IL1RAPL1: variants seen among roughly 807,000 people sequenced by gnomAD.
The protein encoded by IL1RAPL1 is interleukin 1 receptor accessory protein like 1.
IL1RAPL1 carries 3 observed loss-of-function variants against 48.4 expected under a neutral mutation model. The observed-to-expected ratio is 0.06, with a 90% CI of 0.03 to 0.16. The LOEUF is 0.16. Ranked by LOEUF, IL1RAPL1 falls within the 10% of genes least tolerant of loss-of-function variation. The pLI, the probability that IL1RAPL1 is intolerant of heterozygous loss-of-function variation, is 1.00. For synonymous variants in IL1RAPL1, 185 were observed against 187.7 expected (o/e 0.99, Z 0.12); for missense variants, 349 against 530.6 (o/e 0.66, Z 3.36).
At chrX:29,493,455 C>T (rs1034979822) in intron 5 of IL1RAPL1, among the ~76,000 whole-genome samples, 1 of 111,488 alleles carries the variant, frequency 9.0e-6, no homozygotes, top group Non-Finnish European at 1.9e-5. Context: ...ATAGTTATAC[C>T]GTTAAGGAAT....
chrX:29,595,642 CTT>C (rs1460332495), intron 5 of IL1RAPL1, among the ~76,000 whole-genome samples: 1 of 111,578 alleles, frequency 9.0e-6, no homozygotes, highest in Non-Finnish European at 1.9e-5. Flanking sequence ...GATATTAGTC[CTT>C]TGTTTCATGT....
At chrX:28,904,966 CTT>C (rs2147328562) in intron 2 of IL1RAPL1, among the ~76,000 whole-genome samples, 1 of 111,657 alleles carries the variant, frequency 9.0e-6, no homozygotes, top group South Asian at 3.7e-4. Flanking sequence ...TAATTAGAGA[CTT>C]TCATGGTATG....
intron 1 of IL1RAPL1, among the ~76,000 whole-genome samples, chrX:28,745,626 G>A (rs970738959): frequency 1.8e-5 from 2 of 111,754 alleles, no homozygotes; most frequent in East Asian, 2.8e-4. Context: ...GCATAAAGAT[G>A]TAGTGTAGGA....
chrX:29,747,212 T>A (rs1928355320), intron 6 of IL1RAPL1, among the ~76,000 whole-genome samples: 2 of 112,171 alleles, frequency 1.8e-5, no homozygotes, highest in South Asian at 3.7e-4. Context: ...ATGCTCTGGC[T>A]ACTGGGCTGT....
chrX:28,605,963 A>G (rs1395388387), intron 1 of IL1RAPL1, among the ~76,000 whole-genome samples: 1 of 110,800 alleles, frequency 9.0e-6, no homozygotes, highest in Non-Finnish European at 1.9e-5. Context: ...CATCTTCTCC[A>G]TGAGACCTAC....
At chrX:28,892,432 G>A (rs1922796545) in intron 2 of IL1RAPL1, among the ~76,000 whole-genome samples, 1 of 110,306 alleles carries the variant, frequency 9.1e-6, no homozygotes, top group South Asian at 3.9e-4. Context: ...CTTCTTTTGT[G>A]GTGGAATGTC....
At chrX:28,701,350 C>T (rs1208013558) in intron 1 of IL1RAPL1, among the ~76,000 whole-genome samples, 1 of 111,808 alleles carries the variant, frequency 8.9e-6, no homozygotes, top group African/African-American at 3.2e-5. Context: ...GTAAGAATAA[C>T]TGAATAAATG....
chrX:29,396,194 C>T, intron 3 of IL1RAPL1, 64 bp from the exon 4 acceptor site: 2 of 939,951 alleles, frequency 2.1e-6, no homozygotes, highest in Non-Finnish European at 1.5e-6. Context: ...ATTAAATACA[C>T]TGCCTTGGCA....
At chrX:29,397,115 A>C (rs1933928563) in intron 4 of IL1RAPL1, among the ~76,000 whole-genome samples, 1 of 112,418 alleles carries the variant, frequency 8.9e-6, no homozygotes, top group African/African-American at 3.2e-5. Context: ...TTATACAATA[A>C]AAGAAATTTT....
chrX:28,881,432 G>A (rs1218115006), intron 2 of IL1RAPL1, among the ~76,000 whole-genome samples: 2 of 111,456 alleles, frequency 1.8e-5, no homozygotes, highest in African/African-American at 6.5e-5. Flanking sequence ...GGTGTAAGAC[G>A]ACAGAGAATC....
At chrX:28,604,179 TAAG>T (rs1218815593) in intron 1 of IL1RAPL1, among the ~76,000 whole-genome samples, 1 of 112,034 alleles carries the variant, frequency 8.9e-6, no homozygotes, top group Non-Finnish European at 1.9e-5. Context: ...AAGTATCCAT[TAAG>T]AAGAAGCTTT....
At chrX:29,439,203 C>T (rs1052067527) in intron 5 of IL1RAPL1, among the ~76,000 whole-genome samples, 4 of 111,293 alleles carry the variant, frequency 3.6e-5, no homozygotes, top group African/African-American at 1.3e-4. Context: ...CTGTGCTTAC[C>T]TGTGCTCTAC....
chrX:28,742,767 A>C (rs936544900), intron 1 of IL1RAPL1, among the ~76,000 whole-genome samples: 4 of 112,011 alleles, frequency 3.6e-5, no homozygotes, highest in African/African-American at 1.3e-4. Flanking sequence ...ATGCCAAATC[A>C]CTGGATTCTA....
At chrX:29,123,037 ATTTATTTT>A (rs1928828757) in intron 2 of IL1RAPL1, among the ~76,000 whole-genome samples, 2 of 87,360 alleles carry the variant, frequency 2.3e-5, no homozygotes, top group South Asian at 9.3e-4. Context: ...TTATTTATTT[ATTTATTTT>A]TTGAGATGGA....
intron 6 of IL1RAPL1, among the ~76,000 whole-genome samples, chrX:29,868,944 G>C (rs1931752228): frequency 8.9e-6 from 1 of 111,736 alleles, no homozygotes; most frequent in African/African-American, 3.3e-5. Context: ...CAACCGGTTG[G>C]AATTTCAGGT....
At chrX:28,750,402 G>C (rs144257368) in intron 1 of IL1RAPL1, among the ~76,000 whole-genome samples, 1,498 of 111,609 alleles carry the variant, frequency 0.013, 13 homozygotes, top group Non-Finnish European at 0.022. Context: ...TAAAATGACT[G>C]AATTAGTCAC....
intron 2 of IL1RAPL1, among the ~76,000 whole-genome samples, chrX:29,158,063 C>A (rs1045229722): frequency 9.0e-6 from 1 of 111,056 alleles, no homozygotes; most frequent in Non-Finnish European, 1.9e-5. Flanking sequence ...TAATTTCTTA[C>A]CTTGAGTCCT....
chrX:29,331,175 A>C (rs1932882603), intron 3 of IL1RAPL1, among the ~76,000 whole-genome samples: 1 of 111,790 alleles, frequency 8.9e-6, no homozygotes, highest in Non-Finnish European at 1.9e-5. Context: ...TCTAAAAAAT[A>C]AAAAAATAAT....
At chrX:28,865,652 G>T (rs912543002) in intron 2 of IL1RAPL1, among the ~76,000 whole-genome samples, 2 of 111,645 alleles carry the variant, frequency 1.8e-5, no homozygotes, top group African/African-American at 6.5e-5. Context: ...GATAGTGAGT[G>T]TAGACAGAGA....
Sources: allele counts gnomAD v4.1 joint callset (sites outside exome capture counted in the v4.1 genomes callset), GRCh38; gene constraint gnomAD v4.1.1; transcripts MANE v1.5; gene names NCBI Gene and HGNC (gene_info 2026-07-23, HGNC 2026-07-21).